The following LRRC7 variants were observed in gnomAD, a reference collection of about 807,000 sequenced individuals.
The protein encoded by LRRC7 is leucine rich repeat containing 7.
In LRRC7, 23 loss-of-function variants were observed where a neutral mutation model predicts 175.7. That is an observed-to-expected ratio of 0.13 (90% CI 0.09 to 0.19). The LOEUF (loss-of-function observed/expected upper bound fraction) is 0.19, where lower values mean the gene tolerates loss of function less well. LRRC7 is among the 10% of genes least tolerant of loss of function. The pLI, the probability that LRRC7 is intolerant of heterozygous loss-of-function variation, is 1.00. For missense variants in LRRC7, 1,354 were observed against 1,904.7 expected, an observed-to-expected ratio of 0.71 and a Z score of 5.38; for synonymous variants, 685 against 680.9, an observed-to-expected ratio of 1.01 and a Z score of -0.09.
At chr1:70,047,916 G>C (rs955456028) in intron 22 of LRRC7, among the ~76,000 whole-genome samples, 1 of 151,770 alleles carries the variant, frequency 6.6e-6, no homozygotes, top group African/African-American at 2.4e-5. Flanking sequence ...AGAACATTTA[G>C]AACATATAAA....
At position 69,850,557 on chromosome 1, in the gene LRRC7, G is replaced by A. The variant is rs78600939; in HGVS notation, c.647+12274G>A. On this transcript the variant is annotated intron_variant, in intron 7 of 26. Transcript: ENST00000651989. ...AATAGTGAAGATGAGTAATGTTGAT[G>A]ACTTTGTCTGAGATTGCAGTTATGG... 8.8e-3 allele frequency among the ~76,000 whole-genome samples: 1,338 copies of A among 152,188 alleles called. 22 individuals are homozygous for A. The highest frequency in any genetic ancestry group is 0.03 in the African/African-American group (1,267 of 41,544).
rs1666438035 is a variant in LRRC7 at position 70,125,926 on chromosome 1, A to G, written c.*4039A>G. Among the ~76,000 whole-genome samples the G allele has an allele frequency of 6.6e-6, 1 of 151,688 alleles. No homozygotes were observed. Among genetic ancestry groups the G allele is most frequent in the South Asian group, 2.1e-4 (1 of 4,834 alleles). On this transcript the variant is annotated 3_prime_UTR_variant, in exon 27 of 27. Transcript: ENST00000651989. ...TTAGATGAAAGAAACCAAAAAAACC[A>G]TTTTATTTTTAATCATAAAATCTAT... is the stretch of plus-strand genomic sequence containing the variant.
chr1:69,626,061 A>G (rs1203193153), intron 1 of LRRC7, among the ~76,000 whole-genome samples: 2 of 152,170 alleles, frequency 1.3e-5, no homozygotes, highest in Non-Finnish European at 2.9e-5. Flanking sequence ...AATTCTATAA[A>G]CTTTTACTTA....
chr1:69,700,822 T>A (rs1331244376), intron 2 of LRRC7, among the ~76,000 whole-genome samples: 1 of 152,204 alleles, frequency 6.6e-6, no homozygotes, highest in Non-Finnish European at 1.5e-5. Context: ...CATTTCAAGT[T>A]TATTTCTCAG....
intron 8 of LRRC7, among the ~76,000 whole-genome samples, chr1:69,941,718 G>T (rs1648731289): frequency 6.6e-6 from 1 of 151,916 alleles, no homozygotes; most frequent in Non-Finnish European, 1.5e-5. Context: ...TTTGAAAGCT[G>T]ACAAAATGCC....
intron 11 of LRRC7, among the ~76,000 whole-genome samples, chr1:70,004,292 A>G (rs1334339915): frequency 6.6e-6 from 1 of 152,170 alleles, no homozygotes; most frequent in Non-Finnish European, 1.5e-5. Context: ...AAAGTTTGCA[A>G]ATTTCCTACC....
At chr1:70,034,663 G>A (rs1659118459) in intron 18 of LRRC7, among the ~76,000 whole-genome samples, 1 of 152,186 alleles carries the variant, frequency 6.6e-6, no homozygotes, top group African/African-American at 2.4e-5. Flanking sequence ...TGGAGCCCAG[G>A]AGAATCCTGC....
chr1:70,026,801 G>A (rs547766024), intron 17 of LRRC7, among the ~76,000 whole-genome samples: 10 of 152,082 alleles, frequency 6.6e-5, no homozygotes, highest in Middle Eastern at 3.4e-3. Flanking sequence ...ATATTAAAAG[G>A]AATGTTAGAA....
intron 25 of LRRC7, among the ~76,000 whole-genome samples, chr1:70,096,712 G>A (rs1664427732): frequency 6.6e-6 from 1 of 150,404 alleles, no homozygotes; most frequent in Non-Finnish European, 1.5e-5. Context: ...TTCCTAGACT[G>A]AAAAAAAAAG....
intron 2 of LRRC7, among the ~76,000 whole-genome samples, chr1:69,679,236 C>T (rs1313721591): frequency 6.6e-6 from 1 of 152,062 alleles, no homozygotes; most frequent in Admixed American, 6.6e-5. Context: ...AATGAAATCA[C>T]ATTTCATTAT....
At chr1:69,780,513 G>A (rs909307259) in intron 3 of LRRC7, among the ~76,000 whole-genome samples, 1 of 152,028 alleles carries the variant, frequency 6.6e-6, no homozygotes, top group Non-Finnish European at 1.5e-5. Flanking sequence ...GAAAAGGAGA[G>A]ATAAAGGGAG....
intron 1 of LRRC7, among the ~76,000 whole-genome samples, chr1:69,614,530 G>A (rs1398326522): frequency 6.6e-6 from 1 of 151,916 alleles, no homozygotes; most frequent in Non-Finnish European, 1.5e-5. Flanking sequence ...ACTCTCATTT[G>A]CCCTGGCCTC....
chr1:69,990,761 T>C (rs12026306), intron 10 of LRRC7, among the ~76,000 whole-genome samples: 7,102 of 152,120 alleles, frequency 0.047, 175 homozygotes, highest in South Asian at 0.1. Context: ...GTAAAAATGA[T>C]AAAATAGAAG....
chr1:69,746,960 G>A (rs1570606145), intron 2 of LRRC7, among the ~76,000 whole-genome samples: 1 of 151,964 alleles, frequency 6.6e-6, no homozygotes, highest in African/African-American at 2.4e-5. Flanking sequence ...TGTGGTTCTG[G>A]GACTCTTTCC....
chr1:69,640,394 T>C (rs544561488), intron 1 of LRRC7, among the ~76,000 whole-genome samples: 1 of 151,784 alleles, frequency 6.6e-6, no homozygotes, highest in African/African-American at 2.4e-5. Context: ...TAATAGATAC[T>C]TTTTGACTTG....
rs750809955 is a variant in LRRC7, at chr1:70,028,216, T to G, written c.1840T>G (p.Leu614Val). 12 of 1,613,788 alleles carry G rather than the reference T, an allele frequency of 7.4e-6. No homozygotes were observed. Among genetic ancestry groups the G allele is most frequent in the Non-Finnish European group, 1.0e-5 (12 of 1,179,744 alleles). ...KRYPTPYPED[L>V]KNMVKSVQNL... The stretch of plus-strand genomic sequence containing the variant: ...ATATCCAACTCCTTACCCAGAGGAT[T>G]TAAAGAATATGGTAAAATCTGTTCA... Residue 614 changes from leucine to valine, a missense_variant, in exon 18 of 27, where the codon TTA becomes GTA. This residue lies in a region of LRRC7 where 1,032 missense variants were observed against 1,227.2 expected (regional missense o/e 0.84). Coordinates refer to ENST00000651989, the MANE Select transcript of LRRC7 (RefSeq NM_001370785.2).
chr1:69,733,754 A>T (rs1255381697), intron 2 of LRRC7, among the ~76,000 whole-genome samples: 3 of 152,034 alleles, frequency 2.0e-5, no homozygotes, highest in Non-Finnish European at 4.4e-5. Flanking sequence ...TTGTGCAGAA[A>T]AACAGTGCCT....
At chr1:69,701,216 A>C (rs892893287) in intron 2 of LRRC7, among the ~76,000 whole-genome samples, 1 of 152,212 alleles carries the variant, frequency 6.6e-6, no homozygotes, top group Non-Finnish European at 1.5e-5. Flanking sequence ...CCCTAGAAGA[A>C]CATATCAGTG....
Position 69,952,997 on chromosome 1 carries a change from CAAAAAAA to C in LRRC7, c.711+21443_711+21449del, listed in dbSNP as rs61277479. On this transcript the variant is annotated intron_variant, in intron 8 of 26. Transcript: ENST00000651989. ...AAGTATGTTTGTAGGAGAGACAAGG[CAAAAAAA>C]AAAAAAAAAAAAAAAGTATATATTG... Among the ~76,000 whole-genome samples, 35 of 56,986 alleles carry C rather than the reference CAAAAAAA, an allele frequency of 6.1e-4. 1 individual carries two copies. Among genetic ancestry groups the C allele is most frequent in the Middle Eastern group, 0.011 (1 of 90 alleles). The allele number at this position is 56,986 out of a possible 152,430, so 37.4% of individuals were successfully genotyped here. A position where few individuals can be genotyped will look rare whatever the true frequency, so the allele number is the denominator to read the frequency against.
Sources: allele counts gnomAD v4.1 joint callset (sites outside exome capture counted in the v4.1 genomes callset), GRCh38; gene constraint gnomAD v4.1.1; regional missense constraint gnomAD v4.1.1; transcripts MANE v1.5; gene names NCBI Gene and HGNC (gene_info 2026-07-23, HGNC 2026-07-21).